Variants in FCHSD2 observed in about 807,000 individuals in gnomAD.
The protein encoded by FCHSD2 is FCH and double SH3 domains 2, also known as F-BAR and double SH3 domains protein 2.
A neutral mutation model predicts 108.1 loss-of-function variants in FCHSD2; 38 were observed. The observed-to-expected ratio is 0.35, with a 90% CI of 0.27 to 0.46. FCHSD2 has a LOEUF of 0.46. Ranked by LOEUF, FCHSD2 falls within the 20% of genes least tolerant of loss-of-function variation. The pLI, the probability that FCHSD2 is intolerant of heterozygous loss-of-function variation, is 1.00. For missense variants in FCHSD2, 751 were observed against 897.8 expected (o/e 0.84, Z 2.09); for synonymous variants, 279 against 314.7 (o/e 0.89, Z 1.20).
At chr11:73,058,751 C>T (rs930153604) in intron 3 of FCHSD2, among the ~76,000 whole-genome samples, 5 of 151,772 alleles carry the variant, frequency 3.3e-5, no homozygotes, top group Middle Eastern at 3.4e-3. Flanking sequence ...AATTTTTAGT[C>T]GAGATGGGGT....
chr11:73,055,232 T>A (rs1430443498), intron 3 of FCHSD2, among the ~76,000 whole-genome samples: 1 of 151,862 alleles, frequency 6.6e-6, no homozygotes, highest in African/African-American at 2.4e-5. Flanking sequence ...TGTGTGGGGA[T>A]TATGGGAGCT....
At chr11:73,056,805 G>T (rs745966128) in intron 3 of FCHSD2, among the ~76,000 whole-genome samples, 1 of 152,088 alleles carries the variant, frequency 6.6e-6, no homozygotes, top group Non-Finnish European at 1.5e-5. Context: ...TGACAAGGCC[G>T]GGCGCGGTGG....
intron 8 of FCHSD2, among the ~76,000 whole-genome samples, chr11:72,927,474 G>A (rs1173395607): frequency 6.6e-6 from 1 of 152,174 alleles, no homozygotes; most frequent in Non-Finnish European, 1.5e-5. Flanking sequence ...GGGAGGAATT[G>A]TATGTAGGGG....
chr11:73,041,065 C>G lies in FCHSD2; in HGVS notation c.166-25180G>C, dbSNP rs564354708. 2.6e-5 allele frequency among the ~76,000 whole-genome samples: 4 copies of G among 152,192 alleles called. No individual in the cohort carries two copies. The East Asian group carries it at 7.7e-4, about 29-fold the overall frequency. ...TTGCTATAAATGACAGAATTTCATT[C>G]TTTTTTATGGCTAAATAGTATTCCA... On this transcript the variant is annotated intron_variant, in intron 3 of 19. Transcript: ENST00000409418.
intron 10 of FCHSD2, among the ~76,000 whole-genome samples, chr11:72,899,558 T>C (rs1479605712): frequency 6.6e-6 from 1 of 151,380 alleles, no homozygotes; most frequent in Non-Finnish European, 1.5e-5. Flanking sequence ...CATGGTGACA[T>C]CCCCTCTCTA....
intron 2 of FCHSD2, among the ~76,000 whole-genome samples, chr11:73,127,794 AAAG>A (rs1159204289): frequency 9.9e-5 from 15 of 151,886 alleles, no homozygotes; most frequent in African/African-American, 3.6e-4. Context: ...TGAGAAGTAA[AAAG>A]AAGTTCACAG....
At chr11:73,011,343 TG>T (rs367928077) in intron 4 of FCHSD2, among the ~76,000 whole-genome samples, 25 of 152,248 alleles carry the variant, frequency 1.6e-4, no homozygotes, top group African/African-American at 5.5e-4. Flanking sequence ...CCTTCTGAGC[TG>T]GAAGCCTAGG....
At chr11:72,858,977 C>G (rs967333914) in intron 13 of FCHSD2, among the ~76,000 whole-genome samples, 3 of 152,144 alleles carry the variant, frequency 2.0e-5, no homozygotes, top group African/African-American at 7.2e-5. Context: ...ACTCCTACAA[C>G]ATACTGTATG....
Position 72,841,641 on chromosome 11 carries a change from T to C in FCHSD2, c.1927-58A>G, listed in dbSNP as rs1443345124. On this transcript the variant is annotated intron_variant, in intron 17 of 19. Transcript: ENST00000409418. ...TCCCCTCCAGGAAGGAGAGCCTGGCTGCTTCTCTGACTGCTCTGTACTCAT... is the reference window on the plus strand; with the variant it reads ...TCCCCTCCAGGAAGGAGAGCCTGGCCGCTTCTCTGACTGCTCTGTACTCAT... 9 of 1,501,648 alleles carry C rather than the reference T, an allele frequency of 6.0e-6. No homozygotes were observed. In the Admixed American group the frequency reaches 1.2e-4, roughly 20 times the overall value. The allele number at this position is 1,501,648 out of a possible 1,614,324, so 93.0% of individuals were successfully genotyped here.
At chr11:73,119,300 C>T (rs548610416) in intron 2 of FCHSD2, among the ~76,000 whole-genome samples, 1 of 144,270 alleles carries the variant, frequency 6.9e-6, no homozygotes, top group South Asian at 2.2e-4. Context: ...GAGACTCTGC[C>T]TCAAAAAAAA....
At chr11:73,007,420 A>T (rs2135424348) in intron 4 of FCHSD2, among the ~76,000 whole-genome samples, 1 of 152,134 alleles carries the variant, frequency 6.6e-6, no homozygotes. Flanking sequence ...CAGGAGTTTG[A>T]GATCAGCCTG....
intron 3 of FCHSD2, among the ~76,000 whole-genome samples, chr11:73,056,515 G>A (rs2135482403): frequency 1.3e-5 from 2 of 152,208 alleles, no homozygotes; most frequent in Middle Eastern, 3.4e-3. Flanking sequence ...CTTCAACTTT[G>A]CTAAAATGAA....
At chr11:72,987,758 A>G (rs1486757205) in intron 6 of FCHSD2, among the ~76,000 whole-genome samples, 1 of 152,128 alleles carries the variant, frequency 6.6e-6, no homozygotes, top group African/African-American at 2.4e-5. Flanking sequence ...ATGCTTTACA[A>G]ATCTGTCAAT....
At chr11:72,909,586 T>C (rs939738695) in intron 9 of FCHSD2, among the ~76,000 whole-genome samples, 4 of 146,220 alleles carry the variant, frequency 2.7e-5, no homozygotes, top group African/African-American at 5.1e-5. Context: ...GTCTAGGAAG[T>C]GAGGAGCATC....
rs1194333407 is a variant in FCHSD2, at chr11:72,939,609, C to CTTT, written c.706-17662_706-17660dup. Among the ~76,000 whole-genome samples the CTTT allele has an allele frequency of 4.4e-4, 29 of 65,466 alleles. No individual in the cohort carries two copies. The South Asian group carries it at 4.5e-3, about 10-fold the overall frequency. The allele number at this position is 65,466 out of a possible 152,430, so 42.9% of individuals were successfully genotyped here. ...AGACGGTTGATGGCTCTTTCTTTTC[C>CTTT]TTTTTTTTTTTTTTTTTTTTTTTTT... On this transcript the variant is annotated intron_variant, in intron 8 of 19. Transcript: ENST00000409418.
chr11:73,139,088 T>A (rs1013846800), intron 2 of FCHSD2, among the ~76,000 whole-genome samples: 3 of 152,194 alleles, frequency 2.0e-5, no homozygotes, highest in Non-Finnish European at 4.4e-5. Flanking sequence ...ACAGCAGAAA[T>A]GCTTATAGTG....
At chr11:72,939,328 T>G (rs2135338899) in intron 8 of FCHSD2, among the ~76,000 whole-genome samples, 1 of 152,218 alleles carries the variant, frequency 6.6e-6, no homozygotes, top group East Asian at 1.9e-4. Flanking sequence ...TTTCCCCCAG[T>G]CGGTAAGATT....
chr11:72,889,322 G>GTCTCT (rs1290929988), intron 11 of FCHSD2, among the ~76,000 whole-genome samples: 5 of 152,118 alleles, frequency 3.3e-5, no homozygotes, highest in Non-Finnish European at 5.9e-5. Flanking sequence ...TTCAACATAT[G>GTCTCT]TCTCTTCCCC....
chr11:72,952,058 T>C (rs904179086), intron 8 of FCHSD2, among the ~76,000 whole-genome samples: 1 of 152,174 alleles, frequency 6.6e-6, no homozygotes, highest in Non-Finnish European at 1.5e-5. Flanking sequence ...AGCTTCATGG[T>C]AGGTCTGCAT....
Sources: gnomAD v4.1 joint callset for allele counts (sites outside exome capture counted in the v4.1 genomes callset) on GRCh38, gnomAD v4.1.1 for gene constraint, MANE v1.5 for transcripts, NCBI Gene and HGNC (gene_info 2026-07-23, HGNC 2026-07-21) for gene names.